The following LDLRAD3 variants were observed in gnomAD, a reference collection of about 807,000 sequenced individuals.
LDLRAD3 encodes low-density lipoprotein receptor class A domain-containing protein 3.
Under a neutral mutation model 29.4 loss-of-function variants are expected in LDLRAD3, and 20 were observed. That is an observed-to-expected ratio of 0.68 (90% CI 0.48 to 0.99). The LOEUF (loss-of-function observed/expected upper bound fraction) is 0.99. Ranked by LOEUF, LDLRAD3 falls within the 50% of genes least tolerant of loss-of-function variation. The pLI is 0.00. For synonymous variants in LDLRAD3, 157 were observed against 192.7 expected (o/e 0.81, Z 1.53); for missense variants, 420 against 454.3 (o/e 0.92, Z 0.69).
Position 35,986,966 on chromosome 11 carries a change from C to T in LDLRAD3, c.46+42822C>T, listed in dbSNP as rs185420299. Reference sequence around the variant, plus strand: ...GGCTGTATCTCTAGATCTCTCACACCGGGCTGTCTGCCTCACACTTTTCTC... The same window carrying T: ...GGCTGTATCTCTAGATCTCTCACACTGGGCTGTCTGCCTCACACTTTTCTC... On this transcript the variant is annotated intron_variant, in intron 1 of 5. Transcript: ENST00000315571. Among the ~76,000 whole-genome samples, 277 of 152,316 alleles carry T rather than the reference C, an allele frequency of 1.8e-3. 1 individual carries two copies. The highest frequency in any genetic ancestry group is 6.4e-3 in the African/African-American group (266 of 41,564).
intron 4 of LDLRAD3, among the ~76,000 whole-genome samples, chr11:36,153,922 T>C (rs1472967957): frequency 6.6e-6 from 1 of 152,122 alleles, no homozygotes; most frequent in East Asian, 1.9e-4. Flanking sequence ...TTACCACCTC[T>C]CCAACAGTTC....
intron 4 of LDLRAD3, among the ~76,000 whole-genome samples, chr11:36,204,013 T>TA (rs1438852824): frequency 4.1e-4 from 19 of 45,984 alleles, no homozygotes; most frequent in Non-Finnish European, 7.6e-4. Context: ...GGCTTTTAGT[T>TA]TAAAAAAAAA....
chr11:36,157,309 A>G (rs929924948), intron 4 of LDLRAD3, among the ~76,000 whole-genome samples: 57 of 152,138 alleles, frequency 3.7e-4, no homozygotes, highest in African/African-American at 1.2e-3. Flanking sequence ...AAAAACTCAA[A>G]ATGAGTTGTC....
At chr11:36,028,547 T>C (rs1435198037) in intron 1 of LDLRAD3, among the ~76,000 whole-genome samples, 2 of 152,182 alleles carry the variant, frequency 1.3e-5, no homozygotes, top group African/African-American at 4.8e-5. Flanking sequence ...CAGGTATGGC[T>C]TTTACATATT....
intron 4 of LDLRAD3, among the ~76,000 whole-genome samples, chr11:36,180,496 C>A (rs1322850867): frequency 6.6e-6 from 1 of 152,028 alleles, no homozygotes; most frequent in Non-Finnish European, 1.5e-5. Context: ...AGGAGGCCTG[C>A]GAGGAGAGTG....
At chr11:36,163,868 G>A (rs907314936) in intron 4 of LDLRAD3, among the ~76,000 whole-genome samples, 1 of 152,186 alleles carries the variant, frequency 6.6e-6, no homozygotes, top group African/African-American at 2.4e-5. Flanking sequence ...TCAAATGGTG[G>A]AAGTTCACTG....
At chr11:36,041,203 G>T (rs998206164) in intron 2 of LDLRAD3, among the ~76,000 whole-genome samples, 5 of 152,192 alleles carry the variant, frequency 3.3e-5, no homozygotes, top group Non-Finnish European at 5.9e-5. Context: ...TATGAGGAGA[G>T]CTTATTAGAG....
chr11:36,020,677 G>A (rs1368746213), intron 1 of LDLRAD3, among the ~76,000 whole-genome samples: 2 of 152,172 alleles, frequency 1.3e-5, no homozygotes, highest in African/African-American at 4.8e-5. Flanking sequence ...CATAAGTTAT[G>A]TTGAGAGGTC....
intron 5 of LDLRAD3, 48 bp from the exon 6 acceptor site, chr11:36,229,112 T>G: frequency 7.5e-7 from 1 of 1,332,888 alleles, no homozygotes; most frequent in Non-Finnish European, 1.1e-6. Flanking sequence ...TGTGTTCTCT[T>G]CTCTTCCTGT....
intron 4 of LDLRAD3, among the ~76,000 whole-genome samples, chr11:36,141,552 A>G (rs1470829084): frequency 6.6e-6 from 1 of 152,104 alleles, no homozygotes; most frequent in East Asian, 1.9e-4. Flanking sequence ...CAACTTTAGT[A>G]CATGCTTACT....
intron 1 of LDLRAD3, among the ~76,000 whole-genome samples, chr11:36,010,370 A>G (rs1851939608): frequency 6.6e-6 from 1 of 152,236 alleles, no homozygotes; most frequent in African/African-American, 2.4e-5. Flanking sequence ...ATTTCTTATT[A>G]GAAGAAGAAT....
chr11:36,065,043 G>C (rs769006548), intron 2 of LDLRAD3, among the ~76,000 whole-genome samples: 3 of 152,142 alleles, frequency 2.0e-5, no homozygotes, highest in Non-Finnish European at 2.9e-5. Context: ...ACTTTGTGGT[G>C]GTGTTCATGC....
intron 2 of LDLRAD3, among the ~76,000 whole-genome samples, chr11:36,064,082 T>C (rs1852750248): frequency 6.6e-6 from 1 of 152,216 alleles, no homozygotes; most frequent in Non-Finnish European, 1.5e-5. Context: ...GTCTTCTTTA[T>C]TTCAGTGATG....
intron 1 of LDLRAD3, among the ~76,000 whole-genome samples, chr11:36,022,338 A>G (rs183600377): frequency 6.6e-6 from 1 of 152,350 alleles, no homozygotes; most frequent in Admixed American, 6.5e-5. Context: ...AACACCTTTA[A>G]GAAATGAGCC....
chr11:36,195,166 C>T (rs774796733), intron 4 of LDLRAD3, among the ~76,000 whole-genome samples: 4 of 152,298 alleles, frequency 2.6e-5, no homozygotes, highest in East Asian at 3.9e-4. Context: ...ATGTTAGCCA[C>T]GGCTGCTATC....
chr11:36,142,578 T>C (rs183600568), intron 4 of LDLRAD3, among the ~76,000 whole-genome samples: 1,955 of 152,270 alleles, frequency 0.013, 51 homozygotes, highest in African/African-American at 0.044. Context: ...ACCCACTGTC[T>C]GGTTCCCGCC....
At chr11:36,066,775 G>C (rs1479691016) in intron 2 of LDLRAD3, among the ~76,000 whole-genome samples, 1 of 152,084 alleles carries the variant, frequency 6.6e-6, no homozygotes, top group Admixed American at 6.5e-5. Context: ...TCTCTCTTCT[G>C]CTCCCTCAGG....
chr11:36,041,054 T>G (rs1852375272), intron 2 of LDLRAD3, among the ~76,000 whole-genome samples: 1 of 152,224 alleles, frequency 6.6e-6, no homozygotes, highest in Non-Finnish European at 1.5e-5. Context: ...AGGGTCATTT[T>G]GGGACACTTT....
At chr11:35,959,284 G>T (rs976285035) in intron 1 of LDLRAD3, among the ~76,000 whole-genome samples, 3 of 152,164 alleles carry the variant, frequency 2.0e-5, no homozygotes, top group African/African-American at 7.2e-5. Flanking sequence ...CCTGGCTAGT[G>T]AATCTCCTAT....
Sources: allele counts gnomAD v4.1 joint callset (sites outside exome capture counted in the v4.1 genomes callset), GRCh38; gene constraint gnomAD v4.1.1; transcripts MANE v1.5; gene names NCBI Gene and HGNC (gene_info 2026-07-23, HGNC 2026-07-21).